Variants in ADAMTSL3 observed in about 807,000 individuals in gnomAD.
ADAMTSL3 encodes ADAMTS-like protein 3.
ADAMTSL3 carries 128 observed loss-of-function variants against 201.7 expected under a neutral mutation model. The ratio of observed to expected loss-of-function variants is 0.63; its 90% CI spans 0.55 to 0.73. The LOEUF (loss-of-function observed/expected upper bound fraction) is 0.73. ADAMTSL3 is among the 30% of genes least tolerant of loss of function. The probability of loss-of-function intolerance (pLI) is 0.00; values close to 1 mark genes in which losing one functional copy is unlikely to be tolerated. For missense variants in ADAMTSL3, 1,990 were observed against 2,119.6 expected (o/e 0.94, Z 1.20); for synonymous variants, 738 against 748.4 (o/e 0.99, Z 0.23).
At position 83,708,209 on chromosome 15, in the gene ADAMTSL3, G is replaced by T. The variant is rs567033681; in HGVS notation, c.189+3701G>T. Among the ~76,000 whole-genome samples the T allele has an allele frequency of 1.4e-4, 22 of 152,340 alleles. No homozygotes were observed. The East Asian group carries it at 4.2e-3, about 29-fold the overall frequency. On this transcript the variant is annotated intron_variant, in intron 3 of 29. Transcript: ENST00000286744. ...AGGCTGCAGCCTAGTTTCTAATGCT[G>T]TTGGGTCAGATGTGGGTTCACTAGG...
At chr15:83,803,259 T>G (rs1470316567) in intron 4 of ADAMTSL3, among the ~76,000 whole-genome samples, 2 of 152,174 alleles carry the variant, frequency 1.3e-5, no homozygotes, top group Non-Finnish European at 2.9e-5. Context: ...ACTTACTCCT[T>G]TTGTAATCAA....
chr15:83,903,931 A>G (rs1567226033), intron 15 of ADAMTSL3, among the ~76,000 whole-genome samples: 4,248 of 62,510 alleles, frequency 0.068, 930 homozygotes, highest in African/African-American at 0.13. Context: ...AAAAAAAAAA[A>G]AAAAAAAAAA....
At chr15:84,027,363 C>T (rs1299562782) in intron 27 of ADAMTSL3, among the ~76,000 whole-genome samples, 1 of 152,178 alleles carries the variant, frequency 6.6e-6, no homozygotes. Flanking sequence ...CCAGAAATTC[C>T]ACCCCTAGGT....
At chr15:83,881,939 A>G (rs1169948837) in intron 9 of ADAMTSL3, among the ~76,000 whole-genome samples, 2 of 152,178 alleles carry the variant, frequency 1.3e-5, no homozygotes, top group African/African-American at 4.8e-5. Context: ...GGATCATGAG[A>G]TCAGGAGATC....
At chr15:83,985,264 G>A (rs1258755610) in intron 21 of ADAMTSL3, among the ~76,000 whole-genome samples, 1 of 152,044 alleles carries the variant, frequency 6.6e-6, no homozygotes, top group Non-Finnish European at 1.5e-5. Flanking sequence ...TTGGGAAGCT[G>A]TCAGACTTAC....
intron 6 of ADAMTSL3, among the ~76,000 whole-genome samples, 198 bp downstream of exon 6, chr15:83,820,245 AT>A (rs1288144120): frequency 6.6e-6 from 1 of 152,004 alleles, no homozygotes; most frequent in Non-Finnish European, 1.5e-5. Context: ...TTGTATCCCA[AT>A]TTTGTATTTT....
At chr15:83,882,985 A>T (rs558973059) in intron 9 of ADAMTSL3, among the ~76,000 whole-genome samples, 6 of 151,886 alleles carry the variant, frequency 4.0e-5, no homozygotes, top group African/African-American at 1.2e-4. Context: ...TCATCATTCT[A>T]TTTGTCTATT....
At chr15:83,948,330 A>G (rs1332116768) in intron 19 of ADAMTSL3, among the ~76,000 whole-genome samples, 1 of 152,024 alleles carries the variant, frequency 6.6e-6, no homozygotes. Flanking sequence ...CACCACAGAA[A>G]CTGGCAAAAC....
intron 26 of ADAMTSL3, among the ~76,000 whole-genome samples, chr15:84,022,262 T>G (rs12911612): frequency 6.6e-6 from 1 of 152,036 alleles, no homozygotes; most frequent in Non-Finnish European, 1.5e-5. Flanking sequence ...CCAGGAGTCT[T>G]CTGGTTCTTA....
intron 8 of ADAMTSL3, among the ~76,000 whole-genome samples, chr15:83,870,452 G>A (rs1338120418): frequency 6.6e-6 from 1 of 152,174 alleles, no homozygotes; most frequent in East Asian, 1.9e-4. Flanking sequence ...GTAGGCATAA[G>A]ATCTTTTGAA....
intron 19 of ADAMTSL3, among the ~76,000 whole-genome samples, chr15:83,956,221 C>T (rs1203606812): frequency 6.6e-6 from 1 of 152,202 alleles, no homozygotes; most frequent in Non-Finnish European, 1.5e-5. Context: ...CAAAGTCCCC[C>T]AGTTGCTGTG....
chr15:83,767,800 A>ACTGTGTTCACAGACTAACATTAT (rs2062917409), intron 3 of ADAMTSL3, among the ~76,000 whole-genome samples: 1 of 152,094 alleles, frequency 6.6e-6, no homozygotes, highest in Non-Finnish European at 1.5e-5. Context: ...TGTAACATTA[A>ACTGTGTTCACAGACTAACATTAT]ACTGTGTTCA....
chr15:83,804,622 CTTCT>C, intron 4 of ADAMTSL3, 24 bp from the exon 5 acceptor site: 2 of 960,872 alleles, frequency 2.1e-6, no homozygotes, highest in South Asian at 4.2e-5. Flanking sequence ...ATCATTATTT[CTTCT>C]TTCTTCTTTC....
intron 21 of ADAMTSL3, among the ~76,000 whole-genome samples, chr15:83,983,603 C>T (rs1035619601): frequency 2.0e-5 from 3 of 152,162 alleles, no homozygotes; most frequent in Admixed American, 6.5e-5. Context: ...AGCATATATA[C>T]ACTCCCCCTT....
intron 15 of ADAMTSL3, among the ~76,000 whole-genome samples, chr15:83,908,139 T>G (rs1483346595): frequency 6.6e-6 from 1 of 152,228 alleles, no homozygotes; most frequent in Non-Finnish European, 1.5e-5. Context: ...CATTGTCAAA[T>G]TGTCTTTGGA....
intron 4 of ADAMTSL3, among the ~76,000 whole-genome samples, chr15:83,794,024 A>G (rs1273466066): frequency 1.3e-5 from 2 of 152,252 alleles, no homozygotes; most frequent in Non-Finnish European, 2.9e-5. Context: ...ATTTTACCCA[A>G]GAGAATACAT....
intron 2 of ADAMTSL3, among the ~76,000 whole-genome samples, chr15:83,682,668 A>G (rs922236159): frequency 1.3e-5 from 2 of 152,168 alleles, no homozygotes; most frequent in Non-Finnish European, 2.9e-5. Context: ...TGTTTATTGT[A>G]CAAGGAAGCA....
intron 2 of ADAMTSL3, among the ~76,000 whole-genome samples, chr15:83,669,967 C>T (rs940377589): frequency 1.3e-5 from 2 of 151,528 alleles, no homozygotes; most frequent in Non-Finnish European, 2.9e-5. Context: ...GTTGTTTATA[C>T]AACATAGGGG....
At chr15:83,947,427 A>C (rs895964146) in intron 19 of ADAMTSL3, among the ~76,000 whole-genome samples, 1 of 152,224 alleles carries the variant, frequency 6.6e-6, no homozygotes, top group African/African-American at 2.4e-5. Flanking sequence ...ATCTGGACCA[A>C]GCCTTAGGCA....
Sources: gnomAD v4.1 joint callset for allele counts (sites outside exome capture counted in the v4.1 genomes callset) on GRCh38, gnomAD v4.1.1 for gene constraint, MANE v1.5 for transcripts, NCBI Gene and HGNC (gene_info 2026-07-23, HGNC 2026-07-21) for gene names.